The following RBP5 variants were observed in gnomAD, a reference collection of about 807,000 sequenced individuals.
RBP5 encodes the protein retinol binding protein 5, also known as retinol-binding protein 5.
RBP5 carries 12 observed loss-of-function variants against 17.8 expected under a neutral mutation model. The ratio of observed to expected loss-of-function variants is 0.67; its 90% CI spans 0.43 to 1.09. The LOEUF is 1.09. Ranked by LOEUF, RBP5 falls within the 50% of genes least tolerant of loss-of-function variation. The pLI, the probability that RBP5 is intolerant of heterozygous loss-of-function variation, is 0.00. For synonymous variants in RBP5, 64 were observed against 68.1 expected (o/e 0.94, Z 0.30); for missense variants, 172 against 169.4 (o/e 1.02, Z -0.09).
chr12:7,124,720 G>A lies in RBP5; in HGVS notation c.263C>T (p.Thr88Ile), dbSNP rs759601791. 4 of 1,606,702 alleles carry A rather than the reference G, an allele frequency of 2.5e-6. No individual in the cohort carries two copies. Among genetic ancestry groups the A allele is most frequent in the Admixed American group, 3.3e-5 (2 of 59,998 alleles). Residue 88 changes from threonine to isoleucine, a missense_variant, in exon 3 of 4, where the codon ACC becomes ATC. Physicochemically the swap from Thr to Ile is moderately conservative, Grantham distance 89. Transcript: ENST00000266560. This position sits in a 1 kb window ranked among gnomAD's most constrained non-coding sequence, Gnocchi z 5.3. Reference protein sequence around the residue: ...VDGRKCQTIVTWEEEHLVCVQ... With the variant: ...VDGRKCQTIVIWEEEHLVCVQ... ...ACACACCAGGTGCTCCTCCTCCCAGGTTACTATGGTCTATAGGGGAAAGAG... is the reference window on the plus strand; with the variant it reads ...ACACACCAGGTGCTCCTCCTCCCAGATTACTATGGTCTATAGGGGAAAGAG...
chr12:7,118,780 G>A (rs1486694823), downstream of RBP5: 1 of 152,268 alleles, frequency 6.6e-6, no homozygotes, highest in African/African-American at 2.4e-5. Context: ...GAAAGGCGAT[G>A]GGATATGCTC....
At position 7,124,096 on chromosome 12, in the gene RBP5, T is replaced by C. The variant is rs750457710; in HGVS notation, c.*25A>G. ...AGAGCGTCTGTGAGCTGGTGCTGTC[T>C]GGAGGGATCTTGGCTCCTCTCCGGC... On this transcript the variant is annotated 3_prime_UTR_variant, in exon 4 of 4. Coordinates refer to ENST00000266560, the MANE Select transcript of RBP5 (RefSeq NM_031491.4). This position sits in a 1 kb window ranked among gnomAD's most constrained non-coding sequence, Gnocchi z 5.3. 6.2e-7 allele frequency: 1 copy of C among 1,610,770 alleles called. No individual in the cohort carries two copies. Among genetic ancestry groups the C allele is most frequent in the Non-Finnish European group, 8.5e-7 (1 of 1,176,952 alleles).
At chr12:7,129,708 C>T (rs1939241730), upstream of RBP5, 2 of 985,560 alleles carry the variant, frequency 2.0e-6, no homozygotes, top group Non-Finnish European at 2.4e-6. The surrounding 1 kb of genome is among the most constrained non-coding windows in gnomAD (Gnocchi z 5.5). Context: ...AATTCTCTCT[C>T]GAACCTGCCA....
chr12:7,122,860 CT>C (rs1055172632), downstream of RBP5, among the ~76,000 whole-genome samples: 9 of 149,676 alleles, frequency 6.0e-5, no homozygotes, highest in South Asian at 2.1e-4. Context: ...CCCTGAGTTC[CT>C]TTTTTTTTTC....
chr12:7,127,698 C>T, intron 2 of RBP5: 1 of 702,266 alleles, frequency 1.4e-6, no homozygotes, highest in Non-Finnish European at 2.6e-6. Context: ...CTGGAGAATT[C>T]ATGCCAAGGG....
downstream of RBP5, chr12:7,122,526 C>T (rs1163998985): frequency 1.3e-5 from 2 of 152,300 alleles, no homozygotes; most frequent in East Asian, 3.9e-4. Flanking sequence ...TTAGAAAAAC[C>T]CACCATGGGG....
chr12:7,121,302 G>C (rs192621738), downstream of RBP5, among the ~76,000 whole-genome samples: 1 of 152,198 alleles, frequency 6.6e-6, no homozygotes, highest in African/African-American at 2.4e-5. Context: ...CCATGCCTCT[G>C]CTGTCTCTTG....
intron 2 of RBP5, among the ~76,000 whole-genome samples, chr12:7,127,009 T>TTTTA (rs1939180064): frequency 6.9e-6 from 1 of 145,306 alleles, no homozygotes; most frequent in African/African-American, 2.6e-5. Context: ...TTTTTTTTTT[T>TTTTA]GAGATAGAAT....
At chr12:7,115,954 T>C (rs1938999962) in exon 4 of RBP5, 1 of 152,200 alleles carries the variant, frequency 6.6e-6, no homozygotes, top group African/African-American at 2.4e-5. Context: ...ACTAGGGGGA[T>C]GGCACTAAAC....
chr12:7,119,908 C>G (rs1939056716), downstream of RBP5, among the ~76,000 whole-genome samples: 1 of 152,238 alleles, frequency 6.6e-6, no homozygotes, highest in African/African-American at 2.4e-5. Flanking sequence ...TGCCTGGCCA[C>G]TATGCAGCAC....
chr12:7,119,881 TA>T (rs1939056421), downstream of RBP5, among the ~76,000 whole-genome samples: 2 of 152,248 alleles, frequency 1.3e-5, no homozygotes, highest in Non-Finnish European at 2.9e-5. Flanking sequence ...CTGCAGCTAG[TA>T]ATAGGTGGCA....
rs764948725 is a variant in RBP5 at position 7,128,380 on chromosome 12, T to C, written c.112A>G (p.Lys38Glu). 2 of 1,614,176 alleles carry C rather than the reference T, an allele frequency of 1.2e-6. No individual in the cohort carries two copies. The highest frequency in any genetic ancestry group is 8.5e-7 in the Non-Finnish European group (1 of 1,180,006). ...LAVRKIALLL[K>E]PDKEIEHQGN... ...TGGTGTTCGATCTCCTTGTCCGGCT[T>C]CAGCAGCAGCGCGATCTTCCGCACA... Residue 38 changes from lysine (K) to glutamate (E), a missense_variant, in exon 2 of 4, where the codon AAG becomes GAG. Physicochemically the swap from Lys to Glu is moderately conservative, Grantham distance 56. Transcript: ENST00000266560. This position sits in a 1 kb window ranked among gnomAD's most constrained non-coding sequence, Gnocchi z 5.3.
At chr12:7,116,518 C>T (rs1420393325) in exon 4 of RBP5, 8 of 152,364 alleles carry the variant, frequency 5.3e-5, no homozygotes, top group African/African-American at 1.9e-4. Flanking sequence ...AGTAAGGTCA[C>T]ACAACTTTGA....
exon 4 of RBP5, chr12:7,116,363 T>C (rs1939004646): frequency 6.6e-6 from 1 of 152,266 alleles, no homozygotes; most frequent in Admixed American, 6.5e-5. Context: ...TGCTCTGTCC[T>C]CCACAGAACT....
In RBP5 at chr12:7,124,573, G is replaced by A. The variant is rs1939127908; in HGVS notation, c.354+56C>T. 1 of 964,782 alleles carries A rather than the reference G, an allele frequency of 1.0e-6. No individual in the cohort carries two copies. Among genetic ancestry groups the A allele is most frequent in the African/African-American group, 1.6e-5 (1 of 62,754 alleles). The allele number at this position is 964,782 out of a possible 1,614,324, so 59.8% of individuals were successfully genotyped here. On this transcript the variant is annotated intron_variant, in intron 3 of 3. Coordinates refer to ENST00000266560, the MANE Select transcript of RBP5 (RefSeq NM_031491.4). The surrounding 1 kb of genome is among the most constrained non-coding windows in gnomAD (Gnocchi z 5.3). ...GTGGACCTATCTGGTTTGGACAAGG[G>A]GATGCCTTATAGCTGGAGGCCCTTC...
At position 7,124,061 on chromosome 12, in the gene RBP5, G is replaced by T; in HGVS notation, c.*60C>A. The T allele has an allele frequency of 2.6e-6, 4 of 1,525,734 alleles. No individual in the cohort carries two copies. Among genetic ancestry groups the T allele is most frequent in the African/African-American group, 2.7e-5 (2 of 73,212 alleles). The allele number at this position is 1,525,734 out of a possible 1,614,324, so 94.5% of individuals were successfully genotyped here. On this transcript the variant is annotated 3_prime_UTR_variant, in exon 4 of 4. Transcript: ENST00000266560. This position sits in a 1 kb window ranked among gnomAD's most constrained non-coding sequence, Gnocchi z 5.3. Reference sequence around the variant, plus strand: ...ACCTGGCACAATCTGGGCTTGAAGGGGGCACAACAAGAGCGTCTGTGAGCT... The same window carrying T: ...ACCTGGCACAATCTGGGCTTGAAGGTGGCACAACAAGAGCGTCTGTGAGCT...
chr12:7,123,375 C>A (rs766821334), downstream of RBP5, among the ~76,000 whole-genome samples: 108 of 152,352 alleles, frequency 7.1e-4, no homozygotes, highest in African/African-American at 2.5e-3. Flanking sequence ...CTTGACCTCA[C>A]ATCCTCCGTC....
chr12:7,129,756 C>G, upstream of RBP5: 7 of 985,576 alleles, frequency 7.1e-6, no homozygotes, highest in Non-Finnish European at 7.2e-6. The surrounding 1 kb of genome is among the most constrained non-coding windows in gnomAD (Gnocchi z 5.5). Flanking sequence ...CTTGGTTCAT[C>G]ATGGTTTAAG....
At chr12:7,125,223 C>T (rs1939141580) in intron 2 of RBP5, among the ~76,000 whole-genome samples, 2 of 152,152 alleles carry the variant, frequency 1.3e-5, no homozygotes, top group Admixed American at 6.5e-5. Flanking sequence ...TCCTAAAGGT[C>T]ACCGAGGGGG....
Sources: allele counts gnomAD v4.1 joint callset (sites outside exome capture counted in the v4.1 genomes callset), GRCh38; gene constraint gnomAD v4.1.1; non-coding constraint Gnocchi (gnomAD v3.1); transcripts MANE v1.5; gene names NCBI Gene and HGNC (gene_info 2026-07-23, HGNC 2026-07-21).